Variants in AMPH observed in about 807,000 individuals in gnomAD.
The protein encoded by AMPH is amphiphysin (Stiff-Mann syndrome with breast cancer 128kD autoantigen).
AMPH carries 49 observed loss-of-function variants against 99.1 expected under a neutral mutation model. The observed-to-expected ratio is 0.49, with a 90% CI of 0.39 to 0.63. AMPH has a LOEUF of 0.63. Ranked by LOEUF, AMPH falls within the 20% of genes least tolerant of loss-of-function variation. The probability of loss-of-function intolerance (pLI) is 0.00; values close to 1 mark genes in which losing one functional copy is unlikely to be tolerated. For synonymous variants in AMPH, 314 were observed against 317.3 expected, an observed-to-expected ratio of 0.99 and a Z score of 0.11; for missense variants, 759 against 863.4, an observed-to-expected ratio of 0.88 and a Z score of 1.52.
intron 1 of AMPH, among the ~76,000 whole-genome samples, chr7:38,626,853 G>T (rs1326412855): frequency 6.6e-6 from 1 of 151,980 alleles, no homozygotes; most frequent in Non-Finnish European, 1.5e-5. Context: ...CCATCAAAAA[G>T]TAGGCGAAGG....
intron 17 of AMPH, among the ~76,000 whole-genome samples, chr7:38,407,936 G>A (rs1785099234): frequency 6.6e-6 from 1 of 152,142 alleles, no homozygotes; most frequent in Non-Finnish European, 1.5e-5. Context: ...TGTAGACTGA[G>A]GGGGAAATGG....
intron 1 of AMPH, among the ~76,000 whole-genome samples, chr7:38,611,851 G>A (rs900846024): frequency 6.6e-6 from 1 of 152,136 alleles, no homozygotes; most frequent in African/African-American, 2.4e-5. Flanking sequence ...TACCATAAAT[G>A]TTAGTAATAG....
intron 1 of AMPH, among the ~76,000 whole-genome samples, chr7:38,615,632 G>GC (rs1194702735): frequency 7.7e-6 from 1 of 129,332 alleles, no homozygotes; most frequent in African/African-American, 3.5e-5. Context: ...CAGGGTCAGA[G>GC]GGGAGCTACA....
At chr7:38,464,652 A>G (rs959774860) in intron 9 of AMPH, among the ~76,000 whole-genome samples, 2 of 152,228 alleles carry the variant, frequency 1.3e-5, no homozygotes, top group African/African-American at 2.4e-5. Context: ...GTAGTTCAAT[A>G]GTATCTTTTT....
chr7:38,440,217 A>G (rs548810443), intron 11 of AMPH, among the ~76,000 whole-genome samples: 1 of 152,256 alleles, frequency 6.6e-6, no homozygotes, highest in Non-Finnish European at 1.5e-5. Flanking sequence ...GAGGAACAAC[A>G]TGAAGGTAGC....
At chr7:38,495,660 T>A (rs1788905929) in intron 3 of AMPH, among the ~76,000 whole-genome samples, 1 of 152,076 alleles carries the variant, frequency 6.6e-6, no homozygotes, top group African/African-American at 2.4e-5. Flanking sequence ...ACAATGCTAT[T>A]TGAAGATCTG....
intron 17 of AMPH, among the ~76,000 whole-genome samples, chr7:38,400,076 CTTTCT>C (rs1784799492): frequency 6.6e-6 from 1 of 152,004 alleles, no homozygotes; most frequent in Non-Finnish European, 1.5e-5. Flanking sequence ...TTTCTTTTTT[CTTTCT>C]TTTTCTTTTT....
At chr7:38,623,196 C>T (rs1251498511) in intron 1 of AMPH, among the ~76,000 whole-genome samples, 1 of 152,048 alleles carries the variant, frequency 6.6e-6, no homozygotes, top group Non-Finnish European at 1.5e-5. Context: ...ATTTCATACA[C>T]CAAGTAAAGG....
At chr7:38,525,277 T>TAGAGAGAGAGAGAGAGAG (rs66462162) in intron 2 of AMPH, among the ~76,000 whole-genome samples, 1 of 86,662 alleles carries the variant, frequency 1.2e-5, no homozygotes, top group Non-Finnish European at 2.2e-5. Flanking sequence ...TATATATATA[T>TAGAGAGAGAGAGAGAGAG]AGAGAGAGAG....
intron 2 of AMPH, among the ~76,000 whole-genome samples, chr7:38,528,700 ATT>A (rs754608097): frequency 6.7e-6 from 1 of 150,186 alleles, no homozygotes; most frequent in East Asian, 2.0e-4. Context: ...TTTTTTCTCT[ATT>A]GTTTTCCATT....
intron 1 of AMPH, among the ~76,000 whole-genome samples, chr7:38,570,926 T>TA (rs1791922067): frequency 1.8e-5 from 1 of 55,550 alleles, no homozygotes; most frequent in Non-Finnish European, 3.6e-5. Flanking sequence ...AACAAAAAAA[T>TA]TTATATATAT....
rs141925117 is a variant in AMPH, at chr7:38,525,258, G to GTATA, written c.150+9669_150+9672dup. On this transcript the variant is annotated intron_variant, in intron 2 of 20. Transcript: ENST00000356264. Reference sequence around the variant, plus strand: ...TATATATGTAGTTGTGTGTGTGTGTGTATATATATATATATATATAGAGAG... The same window carrying GTATA: ...TATATATGTAGTTGTGTGTGTGTGTGTATATATATATATATATATATATAGAGAG... 7.2e-3 allele frequency among the ~76,000 whole-genome samples: 797 copies of GTATA among 111,046 alleles called. 3 individuals are homozygous for GTATA. The highest frequency in any genetic ancestry group is 0.024 in the Middle Eastern group (5 of 210). 72.9% of individuals were successfully genotyped at this position (111,046 alleles called of 152,430 possible).
At chr7:38,555,165 T>C (rs1584239965) in intron 1 of AMPH, among the ~76,000 whole-genome samples, 12 of 151,920 alleles carry the variant, frequency 7.9e-5, no homozygotes, top group Admixed American at 7.9e-4. Flanking sequence ...TGCAGTTCTT[T>C]GGGAGACCAG....
At position 38,544,222 on chromosome 7, in the gene AMPH, G is replaced by A. The variant is rs113889910; in HGVS notation, c.70-9211C>T. On this transcript the variant is annotated intron_variant, in intron 1 of 20. Transcript: ENST00000356264. ...ATGACATCATCTCCCTCCCAAAATAGGTTATTGTATTAATTCAAATACCCT... is the reference window on the plus strand; with the variant it reads ...ATGACATCATCTCCCTCCCAAAATAAGTTATTGTATTAATTCAAATACCCT... 2.7e-3 allele frequency among the ~76,000 whole-genome samples: 411 copies of A among 152,224 alleles called. 1 individual carries two copies. Among genetic ancestry groups the A allele is most frequent in the South Asian group, 5.2e-3 (25 of 4,818 alleles).
Position 38,394,154 on chromosome 7 carries a change from C to T in AMPH, c.1459G>A (p.Ala487Thr). 2 of 1,614,198 alleles carry T rather than the reference C, an allele frequency of 1.2e-6. No individual in the cohort carries two copies. Among genetic ancestry groups the T allele is most frequent in the Non-Finnish European group, 1.7e-6 (2 of 1,180,022 alleles). ...TCCGCCTCTGCTTCCTCTCCTGGGGCCCCCTCAGCTGCTGACACCAAGGTT... is the reference window on the plus strand; with the variant it reads ...TCCGCCTCTGCTTCCTCTCCTGGGGTCCCCTCAGCTGCTGACACCAAGGTT... ...VGTLVSAAEG[A>T]PGEEAEAEKA... The change falls in exon 18 of 21, where the codon GCC (alanine) becomes ACC (threonine). Residue 487 changes from alanine to threonine, a missense_variant. Physicochemically the swap from Ala to Thr is moderately conservative, Grantham distance 58. Transcript: ENST00000356264.
intron 8 of AMPH, 115 bp downstream of exon 8, chr7:38,466,058 A>G: frequency 2.4e-6 from 2 of 819,858 alleles, no homozygotes; most frequent in South Asian, 1.7e-5. Context: ...ACACTGCTAA[A>G]AGAAACATAC....
chr7:38,603,142 C>A (rs948107308), intron 1 of AMPH, among the ~76,000 whole-genome samples: 3 of 151,846 alleles, frequency 2.0e-5, no homozygotes, highest in African/African-American at 7.3e-5. Flanking sequence ...ATGGCGAAAC[C>A]CCATCTCTGC....
chr7:38,595,990 C>A (rs916520835), intron 1 of AMPH, among the ~76,000 whole-genome samples: 1 of 152,164 alleles, frequency 6.6e-6, no homozygotes, highest in East Asian at 1.9e-4. Context: ...GATTCCATGT[C>A]TTTGCTATTA....
intron 1 of AMPH, among the ~76,000 whole-genome samples, chr7:38,607,066 T>C (rs1793460479): frequency 6.6e-6 from 1 of 152,188 alleles, no homozygotes; most frequent in African/African-American, 2.4e-5. Context: ...AATCCCCATG[T>C]TTTTCATCAT....
Sources: allele counts gnomAD v4.1 joint callset (sites outside exome capture counted in the v4.1 genomes callset), GRCh38; gene constraint gnomAD v4.1.1; transcripts MANE v1.5; gene names NCBI Gene and HGNC (gene_info 2026-07-23, HGNC 2026-07-21).